MT1X: variants seen among roughly 807,000 people sequenced by gnomAD.
MT1X encodes the protein metallothionein-1X.
Under a neutral mutation model 8.6 loss-of-function variants are expected in MT1X, and 7 were observed. That is an observed-to-expected ratio of 0.81 (90% confidence interval 0.46 to 1.52). The LOEUF is 1.52. MT1X is among the 40% of genes most tolerant of loss of function. MT1X has a pLI of 0.01. For missense variants in MT1X, 72 were observed against 74.3 expected (o/e 0.97, Z 0.11); for synonymous variants, 25 against 27.6 (o/e 0.91, Z 0.30).
At position 56,682,498 on chromosome 16, in the gene MT1X, G is replaced by C. The variant is rs762594264; in HGVS notation, c.-43G>C. The C allele has an allele frequency of 2.5e-6, 4 of 1,613,054 alleles. 1 individual carries two copies. The highest frequency in any genetic ancestry group is 2.2e-5 in the South Asian group (2 of 91,070). The stretch of plus-strand genomic sequence containing the variant: ...ACGCTTTTCATCTGTCCCGCTGCGT[G>C]TTTTCCTCTTGATCGGGAACTCCTG... On this transcript the variant is annotated 5_prime_UTR_variant, in exon 1 of 3. Coordinates refer to ENST00000394485, the MANE Select transcript of MT1X (RefSeq NM_005952.4).
At position 56,684,126 on chromosome 16, in the gene MT1X, A is replaced by G. The variant is rs1489714551; in HGVS notation, c.*77A>G. On this transcript the variant is annotated 3_prime_UTR_variant, in exon 3 of 3. Transcript: ENST00000394485. ...GGATTTTTTTTTTTTTTTTTTTTGT[A>G]CAACCCTGACCCGTTTGCTACATCT... 3.1e-6 allele frequency: 4 copies of G among 1,270,014 alleles called. No homozygotes were observed. Among genetic ancestry groups the G allele is most frequent in the East Asian group, 2.4e-5 (1 of 41,190 alleles). 78.7% of individuals were successfully genotyped at this position (1,270,014 alleles called of 1,614,324 possible).
Position 56,682,494 on chromosome 16 carries a change from G to T in MT1X, c.-47G>T. The T allele has an allele frequency of 6.2e-7, 1 of 1,611,692 alleles. No individual in the cohort carries two copies. The highest frequency in any genetic ancestry group is 8.5e-7 in the Non-Finnish European group (1 of 1,177,792). On this transcript the variant is annotated 5_prime_UTR_variant, in exon 1 of 3. Transcript: ENST00000394485. ...CACCACGCTTTTCATCTGTCCCGCT[G>T]CGTGTTTTCCTCTTGATCGGGAACT...
chr16:56,682,578 A>G lies in MT1X; in HGVS notation c.28+10A>G, dbSNP rs1481498546. The G allele has an allele frequency of 1.2e-6, 2 of 1,614,142 alleles. No homozygotes were observed. Among genetic ancestry groups the G allele is most frequent in the Non-Finnish European group, 1.7e-6 (2 of 1,180,010 alleles). ...TGCTCCTGCTCGCCTGGTAAGGGAC[A>G]CCTAGCTCCGCGCCTTGGGATGCCC... On this transcript the variant is annotated intron_variant, in intron 1 of 2. Coordinates refer to ENST00000394485, the MANE Select transcript of MT1X (RefSeq NM_005952.4).
intron 1 of MT1X, chr16:56,682,784 C>T (rs2144368179): frequency 1.6e-6 from 1 of 629,746 alleles, no homozygotes; most frequent in East Asian, 2.8e-5. Flanking sequence ...GGCTGTCCTG[C>T]TCCATGTCAC....
intron 2 of MT1X, 106 bp from the exon 3 acceptor site, chr16:56,683,849 AATG>A: frequency 6.8e-7 from 1 of 1,470,144 alleles, no homozygotes; most frequent in Non-Finnish European, 9.3e-7. Flanking sequence ...GCCATCCTGA[AATG>A]ATGGTCCTCT....
In MT1X at chr16:56,683,898, G is replaced by C. The variant is rs948541701; in HGVS notation, c.95-60G>C. On this transcript the variant is annotated intron_variant, in intron 2 of 2. Coordinates refer to ENST00000394485, the MANE Select transcript of MT1X (RefSeq NM_005952.4). ...GCAGGGCTCGAGCCAGGCCTCTGTT[G>C]GGGCAGGGAGGTGCCTGATTGAGTC... 44 of 1,607,508 alleles carry C rather than the reference G, an allele frequency of 2.7e-5. 1 individual carries two copies. The highest frequency in any genetic ancestry group is 1.7e-4 in the Admixed American group (10 of 58,248).
At chr16:56,683,731 C>T (rs1961029674) in intron 2 of MT1X, 3 of 598,428 alleles carry the variant, frequency 5.0e-6, no homozygotes, top group Non-Finnish European at 8.6e-6. Context: ...CCCCCAATCA[C>T]TACCTGTCCA....
chr16:56,683,394 C>A, intron 2 of MT1X, 164 bp downstream of exon 2: 1 of 734,626 alleles, frequency 1.4e-6, no homozygotes, highest in South Asian at 1.8e-5. Flanking sequence ...TGGGTGAGTC[C>A]CAGCCTCTTA....
chr16:56,684,038 T>C lies in MT1X; in HGVS notation c.175T>C (p.Cys59Arg). The part of the protein sequence containing the change: ...ICKGTSDKCS[C>R]CA Reference sequence around the variant, plus strand: ...CAAAGGGACGTCAGACAAGTGCAGCTGCTGTGCCTGATGCCAGGACAGCTG... The same window carrying C: ...CAAAGGGACGTCAGACAAGTGCAGCCGCTGTGCCTGATGCCAGGACAGCTG... The change falls in exon 3 of 3, where the codon TGC (cysteine) becomes CGC (arginine). Residue 59 changes from cysteine to arginine, a missense_variant. Coordinates refer to ENST00000394485, the MANE Select transcript of MT1X (RefSeq NM_005952.4). The C allele has an allele frequency of 1.2e-6, 2 of 1,613,740 alleles. No individual in the cohort carries two copies. The highest frequency in any genetic ancestry group is 1.7e-6 in the Non-Finnish European group (2 of 1,179,958).
intron 2 of MT1X, 147 bp downstream of exon 2, chr16:56,683,377 T>C (rs1961025555): frequency 1.1e-6 from 1 of 900,896 alleles, no homozygotes; most frequent in Non-Finnish European, 1.7e-6. Flanking sequence ...TCAAATTGCC[T>C]TAAAAATGGG....
In MT1X at chr16:56,683,500, C is replaced by T. The variant is rs568750786; in HGVS notation, c.94+270C>T. On this transcript the variant is annotated intron_variant, in intron 2 of 2. Transcript: ENST00000394485. ...TAGGTCTCCTGCCTCCTGATGCAGC[C>T]TTCTTCACCCTTCTGGGTCCTGAAG... 21 of 454,864 alleles carry T rather than the reference C, an allele frequency of 4.6e-5. 1 individual carries two copies. In the Admixed American group the frequency reaches 7.1e-4, roughly 15 times the overall value. 28.2% of individuals were successfully genotyped at this position (454,864 alleles called of 1,614,324 possible). A position where few individuals can be genotyped will look rare whatever the true frequency, so the allele number is the denominator to read the frequency against.
At chr16:56,683,023 T>C (rs1961019909) in intron 1 of MT1X, 142 bp from the exon 2 acceptor site, 1 of 975,624 alleles carries the variant, frequency 1.0e-6, no homozygotes, top group Non-Finnish European at 1.6e-6. Context: ...AGATGGGGCT[T>C]CTCTTCCTCT....
Position 56,682,516 on chromosome 16 carries a change from A to G in MT1X, c.-25A>G, listed in dbSNP as rs755103465. On this transcript the variant is annotated 5_prime_UTR_variant, in exon 1 of 3. Transcript: ENST00000394485. The stretch of plus-strand genomic sequence containing the variant: ...GCTGCGTGTTTTCCTCTTGATCGGG[A>G]ACTCCTGCTTCTCCTTGCCTCGAAA... The G allele has an allele frequency of 2.5e-6, 4 of 1,614,082 alleles. No homozygotes were observed. The highest frequency in any genetic ancestry group is 2.2e-5 in the South Asian group (2 of 91,078).
At chr16:56,683,293 G>A (rs1961024756) in intron 2 of MT1X, 63 bp downstream of exon 2, 2 of 1,598,300 alleles carry the variant, frequency 1.3e-6, no homozygotes, top group Middle Eastern at 1.7e-4. Context: ...GGAACCCAGA[G>A]CTCTGCAGGC....
chr16:56,684,097 A>T lies in MT1X; in HGVS notation c.*48A>T. ...GATGTAAATAGAGCAACCTATATAA[A>T]CCTGGATTTTTTTTTTTTTTTTTTT... On this transcript the variant is annotated 3_prime_UTR_variant, in exon 3 of 3. Coordinates refer to ENST00000394485, the MANE Select transcript of MT1X (RefSeq NM_005952.4). 1 of 1,530,168 alleles carries T rather than the reference A, an allele frequency of 6.5e-7. No homozygotes were observed. Among genetic ancestry groups the T allele is most frequent in the Non-Finnish European group, 8.8e-7 (1 of 1,142,784 alleles). The allele number at this position is 1,530,168 out of a possible 1,614,324, so 94.8% of individuals were successfully genotyped here. A position where few individuals can be genotyped will look rare whatever the true frequency, so the allele number is the denominator to read the frequency against.
At chr16:56,682,729 G>T (rs895333389) in intron 1 of MT1X, 161 bp downstream of exon 1, 2 of 826,312 alleles carry the variant, frequency 2.4e-6, no homozygotes, top group African/African-American at 1.7e-5. Flanking sequence ...ACCACTTCTC[G>T]CCTCCCTGTG....
Position 56,682,512 on chromosome 16 carries a change from C to G in MT1X, c.-29C>G. ...TCCCGCTGCGTGTTTTCCTCTTGAT[C>G]GGGAACTCCTGCTTCTCCTTGCCTC... On this transcript the variant is annotated 5_prime_UTR_variant, in exon 1 of 3. The change creates a new upstream start codon in the 5' untranslated region. Coordinates refer to ENST00000394485, the MANE Select transcript of MT1X (RefSeq NM_005952.4). 6.2e-7 allele frequency: 1 copy of G among 1,614,102 alleles called. No homozygotes were observed. Among genetic ancestry groups the G allele is most frequent in the Non-Finnish European group, 8.5e-7 (1 of 1,179,962 alleles).
intron 2 of MT1X, 186 bp from the exon 3 acceptor site, chr16:56,683,772 G>A: frequency 1.2e-6 from 1 of 824,466 alleles, no homozygotes; most frequent in Non-Finnish European, 1.9e-6. Flanking sequence ...CTCAGGTGGG[G>A]CTGGGCAGCT....
rs558793288 is a variant in MT1X, at chr16:56,682,490, C to G, written c.-51C>G. On this transcript the variant is annotated 5_prime_UTR_variant, in exon 1 of 3. Coordinates refer to ENST00000394485, the MANE Select transcript of MT1X (RefSeq NM_005952.4). Reference sequence around the variant, plus strand: ...GCTCCACCACGCTTTTCATCTGTCCCGCTGCGTGTTTTCCTCTTGATCGGG... The same window carrying G: ...GCTCCACCACGCTTTTCATCTGTCCGGCTGCGTGTTTTCCTCTTGATCGGG... The G allele has an allele frequency of 1.9e-6, 3 of 1,610,164 alleles. No individual in the cohort carries two copies. Among genetic ancestry groups the G allele is most frequent in the Admixed American group, 3.3e-5 (2 of 60,022 alleles).
Sources: allele counts gnomAD v4.1 joint callset, GRCh38; gene constraint gnomAD v4.1.1; transcripts MANE v1.5; gene names NCBI Gene and HGNC (gene_info 2026-07-23, HGNC 2026-07-21).